RIMKLB: variants seen among roughly 807,000 people sequenced by gnomAD.
RIMKLB encodes ribosomal modification protein rimK like family member B.
A neutral mutation model predicts 32.0 loss-of-function variants in RIMKLB; 7 were observed. That is an observed-to-expected ratio of 0.22 (90% CI 0.12 to 0.41). The LOEUF (loss-of-function observed/expected upper bound fraction) is 0.41. Ranked by LOEUF, RIMKLB falls within the 10% of genes least tolerant of loss-of-function variation. The probability of loss-of-function intolerance (pLI) is 1.00; values close to 1 mark genes in which losing one functional copy is unlikely to be tolerated. For missense variants in RIMKLB, 289 were observed against 498.7 expected (o/e 0.58, Z 4.00); for synonymous variants, 172 against 185.1 (o/e 0.93, Z 0.57).
At chr12:8,692,639 T>C (rs755792288), upstream of RIMKLB, among the ~76,000 whole-genome samples, 1 of 152,244 alleles carries the variant, frequency 6.6e-6, no homozygotes, top group African/African-American at 2.4e-5. Flanking sequence ...TCAGCCAATG[T>C]ATGGTCTTTC....
chr12:8,696,702 T>C (rs1322679678), upstream of RIMKLB, among the ~76,000 whole-genome samples: 1 of 152,242 alleles, frequency 6.6e-6, no homozygotes, highest in East Asian at 1.9e-4. Context: ...CCCTGGGTTA[T>C]GCTACATCTT....
chr12:8,722,423 T>G (rs1436644575), intron 2 of RIMKLB, among the ~76,000 whole-genome samples: 1 of 152,190 alleles, frequency 6.6e-6, no homozygotes, highest in Non-Finnish European at 1.5e-5. Context: ...AGATATTTAG[T>G]AAACCATACT....
intron 2 of RIMKLB, among the ~76,000 whole-genome samples, chr12:8,716,256 T>G (rs1029333198): frequency 4.6e-5 from 7 of 152,130 alleles, no homozygotes; most frequent in Non-Finnish European, 8.8e-5. Context: ...GCTCTTGATA[T>G]TTTTCCCAGT....
chr12:8,739,751 G>C (rs1212290910), intron 2 of RIMKLB, among the ~76,000 whole-genome samples: 2 of 151,958 alleles, frequency 1.3e-5, no homozygotes, highest in Non-Finnish European at 2.9e-5. Context: ...GAGTTAACAG[G>C]TGTGAGCCAC....
chr12:8,674,228 T>C, the RIMKLB span, among the ~76,000 whole-genome samples: 1 of 132,976 alleles, frequency 7.5e-6, no homozygotes, highest in South Asian at 2.1e-4. Context: ...AATTCTTTTT[T>C]TTTTTTTTTT....
intron 1 of RIMKLB, among the ~76,000 whole-genome samples, chr12:8,688,936 G>T (rs1942657533): frequency 6.6e-6 from 1 of 152,064 alleles, no homozygotes; most frequent in South Asian, 2.1e-4. Flanking sequence ...CTGGGTTCAA[G>T]AGATTCTCCT....
At chr12:8,713,204 G>A (rs1944525766) in intron 1 of RIMKLB, among the ~76,000 whole-genome samples, 1 of 152,096 alleles carries the variant, frequency 6.6e-6, no homozygotes, top group South Asian at 2.1e-4. Flanking sequence ...GTTATTGAGA[G>A]CCCTTTTGCT....
chr12:8,723,443 T>TA (rs1945665701), intron 2 of RIMKLB, among the ~76,000 whole-genome samples: 1 of 152,210 alleles, frequency 6.6e-6, no homozygotes. Flanking sequence ...AAGTTTGAAA[T>TA]ACTGTGAAAA....
chr12:8,707,950 CT>C (rs1165376514), intron 1 of RIMKLB, among the ~76,000 whole-genome samples: 1 of 152,160 alleles, frequency 6.6e-6, no homozygotes, highest in Admixed American at 6.5e-5. Context: ...TATGTACAGT[CT>C]TTCCCGAAGC....
chr12:8,774,822 T>C lies in RIMKLB; in HGVS notation c.*1038T>C. On this transcript the variant is annotated 3_prime_UTR_variant, in exon 6 of 6. Coordinates refer to ENST00000535829, the MANE Select transcript of RIMKLB (RefSeq NM_001297776.2). ...GTTCTAAGTATAAAGCTGAAGTGATTTCGAATGCCAGCGTTATATATTTGC... is the reference window on the plus strand; with the variant it reads ...GTTCTAAGTATAAAGCTGAAGTGATCTCGAATGCCAGCGTTATATATTTGC... The C allele has an allele frequency of 1.0e-6, 1 of 985,610 alleles. No homozygotes were observed. The highest frequency in any genetic ancestry group is 4.7e-5 in the South Asian group (1 of 21,280). 61.1% of individuals were successfully genotyped at this position (985,610 alleles called of 1,614,324 possible).
At chr12:8,761,319 C>T (rs1949504397) in intron 5 of RIMKLB, among the ~76,000 whole-genome samples, 1 of 148,176 alleles carries the variant, frequency 6.7e-6, no homozygotes, top group Admixed American at 6.7e-5. Context: ...TTGCCCTTTG[C>T]ATTTTAAAAA....
At chr12:8,701,485 C>T (rs1943391952) in intron 1 of RIMKLB, among the ~76,000 whole-genome samples, 1 of 151,872 alleles carries the variant, frequency 6.6e-6, no homozygotes, top group African/African-American at 2.4e-5. Flanking sequence ...AGCTAGCCAG[C>T]TCTACTCCCC....
chr12:8,681,217 C>T (rs1385405695), upstream of RIMKLB, among the ~76,000 whole-genome samples: 2 of 151,982 alleles, frequency 1.3e-5, no homozygotes, highest in Non-Finnish European at 2.9e-5. Flanking sequence ...CACCCTCCTC[C>T]GCCTCCCAAA....
chr12:8,694,552 C>A (rs1334835783), upstream of RIMKLB, among the ~76,000 whole-genome samples: 1 of 151,954 alleles, frequency 6.6e-6, no homozygotes, highest in Non-Finnish European at 1.5e-5. Flanking sequence ...TGCCACCACG[C>A]CCGGCTAATT....
At chr12:8,703,352 G>C (rs893116425) in intron 1 of RIMKLB, among the ~76,000 whole-genome samples, 4 of 152,106 alleles carry the variant, frequency 2.6e-5, no homozygotes, top group Non-Finnish European at 5.9e-5. Context: ...TTAAGGCAGG[G>C]TTTTGCTTTG....
At chr12:8,782,690 T>C (rs1951165180) in intron 7 of RIMKLB, among the ~76,000 whole-genome samples, 1 of 152,152 alleles carries the variant, frequency 6.6e-6, no homozygotes, top group African/African-American at 2.4e-5. Context: ...GATAAGAACA[T>C]TAAATGTCTT....
rs75871608 is a variant in RIMKLB at position 8,747,093 on chromosome 12, G to A, written c.176-2769G>A. Among the ~76,000 whole-genome samples, 64 of 152,224 alleles carry A rather than the reference G, an allele frequency of 4.2e-4. 2 individuals carry two copies. In the East Asian group the frequency reaches 0.012, roughly 28 times the overall value. On this transcript the variant is annotated intron_variant, in intron 2 of 5. Coordinates refer to ENST00000535829, the MANE Select transcript of RIMKLB (RefSeq NM_001297776.2). ...GTGGATTCTCAAGATGGAATGAGGA[G>A]TATATGGAAAATGCTTCTGGTCCCT... is the stretch of plus-strand genomic sequence containing the variant.
At chr12:8,673,893 G>A in the RIMKLB span, among the ~76,000 whole-genome samples, 6 of 151,994 alleles carry the variant, frequency 3.9e-5, no homozygotes, top group African/African-American at 1.2e-4. Context: ...CACCGCACCC[G>A]GCCTCACTTG....
At chr12:8,691,038 G>A (rs890044076) in intron 1 of RIMKLB, among the ~76,000 whole-genome samples, 6 of 152,180 alleles carry the variant, frequency 3.9e-5, no homozygotes, top group Non-Finnish European at 8.8e-5. Flanking sequence ...GTAACTATGT[G>A]TTTCAAGTAT....
Sources: allele counts gnomAD v4.1 joint callset (sites outside exome capture counted in the v4.1 genomes callset), GRCh38; gene constraint gnomAD v4.1.1; transcripts MANE v1.5; gene names NCBI Gene and HGNC (gene_info 2026-07-23, HGNC 2026-07-21).